The following RAB10 variants were observed in gnomAD, a reference collection of about 807,000 sequenced individuals.
The protein encoded by RAB10 is ras-related protein Rab-10.
A neutral mutation model predicts 25.7 loss-of-function variants in RAB10; 5 were observed. The observed-to-expected ratio is 0.19, with a 90% CI of 0.10 to 0.41. RAB10 has a LOEUF of 0.41. Ranked by LOEUF, RAB10 falls within the 10% of genes least tolerant of loss-of-function variation. RAB10 has a pLI of 1.00. For synonymous variants in RAB10, 89 were observed against 86.4 expected, an observed-to-expected ratio of 1.03 and a Z score of -0.16; for missense variants, 103 against 245.8, an observed-to-expected ratio of 0.42 and a Z score of 3.89.
chr2:26,061,845 C>T (rs1368240140), intron 1 of RAB10, among the ~76,000 whole-genome samples: 2 of 150,310 alleles, frequency 1.3e-5, no homozygotes, highest in Non-Finnish European at 3.0e-5. Context: ...CAGCCTTGAC[C>T]TCCTGGGCTC....
chr2:26,120,781 G>A (rs1421683653), intron 3 of RAB10, among the ~76,000 whole-genome samples: 1 of 152,004 alleles, frequency 6.6e-6, no homozygotes, highest in Non-Finnish European at 1.5e-5. Flanking sequence ...TAGTAGACAC[G>A]AGGTTTCACT....
intron 1 of RAB10, among the ~76,000 whole-genome samples, chr2:26,057,620 T>TTTCTTTCA (rs146580967): frequency 1.3e-5 from 2 of 149,196 alleles, no homozygotes; most frequent in African/African-American, 5.0e-5. Flanking sequence ...GGCAAGTTTC[T>TTTCTTTCA]TTCATTCATT....
At chr2:26,106,884 C>CA (rs1667473711) in intron 2 of RAB10, among the ~76,000 whole-genome samples, 4 of 149,550 alleles carry the variant, frequency 2.7e-5, no homozygotes, top group Admixed American at 2.7e-4. Flanking sequence ...GACTCTGTCT[C>CA]AAAAAAAGAA....
chr2:26,053,244 C>T (rs1258901085), intron 1 of RAB10, among the ~76,000 whole-genome samples: 1 of 152,110 alleles, frequency 6.6e-6, no homozygotes, highest in Non-Finnish European at 1.5e-5. Context: ...TCCAGTCCTC[C>T]TTCAAAATAA....
intron 3 of RAB10, among the ~76,000 whole-genome samples, chr2:26,113,364 A>G (rs1180041904): frequency 6.6e-6 from 1 of 152,112 alleles, no homozygotes; most frequent in African/African-American, 2.4e-5. Context: ...ACCTGAGGTC[A>G]GGAGTTCGAG....
intron 1 of RAB10, among the ~76,000 whole-genome samples, chr2:26,038,001 C>G (rs1209696494): frequency 6.6e-6 from 1 of 151,992 alleles, no homozygotes; most frequent in Admixed American, 6.6e-5. Context: ...ATTCTTCTGC[C>G]TCAGCCTCCC....
chr2:26,090,620 C>CT (rs201520744), intron 1 of RAB10, among the ~76,000 whole-genome samples: 10 of 148,316 alleles, frequency 6.7e-5, no homozygotes, highest in East Asian at 3.9e-4. Flanking sequence ...CCTCTGTTAA[C>CT]TTTTTTTTTT....
Position 26,135,051 on chromosome 2 carries a change from A to G in RAB10, c.*30A>G. The G allele has an allele frequency of 6.4e-7, 1 of 1,558,864 alleles. No individual in the cohort carries two copies. The highest frequency in any genetic ancestry group is 8.8e-7 in the Non-Finnish European group (1 of 1,134,164). On this transcript the variant is annotated 3_prime_UTR_variant, in exon 6 of 6. Transcript: ENST00000264710. ...TCTCCTGTTCCATCAGTTGCCATCC[A>G]CTACCCCGTTTTCTCTTCTTGCTGC...
intron 1 of RAB10, among the ~76,000 whole-genome samples, chr2:26,070,355 G>A (rs1559584013): frequency 6.6e-6 from 1 of 152,134 alleles, no homozygotes; most frequent in Non-Finnish European, 1.5e-5. Context: ...ATTAAATCTG[G>A]TTTTATCTGT....
At chr2:26,107,744 C>T (rs1024202156) in intron 2 of RAB10, among the ~76,000 whole-genome samples, 9 of 151,402 alleles carry the variant, frequency 5.9e-5, no homozygotes, top group Admixed American at 2.0e-4. Flanking sequence ...TGCAGTGAGC[C>T]GAGACTGTGC....
intron 1 of RAB10, among the ~76,000 whole-genome samples, chr2:26,066,673 G>T (rs1016240814): frequency 1.3e-5 from 2 of 151,812 alleles, no homozygotes; most frequent in Admixed American, 6.6e-5. Context: ...CCACCCCTGT[G>T]TTTCAATTAC....
At chr2:26,105,913 A>G (rs1427001109) in intron 2 of RAB10, among the ~76,000 whole-genome samples, 3 of 152,244 alleles carry the variant, frequency 2.0e-5, no homozygotes, top group Non-Finnish European at 4.4e-5. Flanking sequence ...AATATGCTAT[A>G]TACCACATAG....
At chr2:26,090,533 T>C (rs1435012216) in intron 1 of RAB10, among the ~76,000 whole-genome samples, 1 of 151,982 alleles carries the variant, frequency 6.6e-6, no homozygotes, top group African/African-American at 2.4e-5. Context: ...ATATGTCACT[T>C]TCTCTGTTCT....
intron 1 of RAB10, among the ~76,000 whole-genome samples, chr2:26,066,387 G>A (rs1666512783): frequency 6.6e-6 from 1 of 152,212 alleles, no homozygotes; most frequent in South Asian, 2.1e-4. Flanking sequence ...GTCATTTTCA[G>A]ACACAATTTT....
At chr2:26,064,180 T>G (rs560532837) in intron 1 of RAB10, among the ~76,000 whole-genome samples, 1 of 152,364 alleles carries the variant, frequency 6.6e-6, no homozygotes, top group South Asian at 2.1e-4. Flanking sequence ...TTGAAAGTAC[T>G]CTTCCCCTTT....
chr2:26,134,578 A>G (rs1668070988), intron 5 of RAB10, among the ~76,000 whole-genome samples: 2 of 152,246 alleles, frequency 1.3e-5, no homozygotes, highest in Admixed American at 6.5e-5. Flanking sequence ...GACGTTACAT[A>G]TACCTAACAC....
At chr2:26,094,532 G>A (rs1185323745) in intron 1 of RAB10, among the ~76,000 whole-genome samples, 1 of 151,516 alleles carries the variant, frequency 6.6e-6, no homozygotes, top group East Asian at 1.9e-4. Context: ...GATTACAGGC[G>A]TGAGCCACCG....
intron 1 of RAB10, among the ~76,000 whole-genome samples, chr2:26,057,914 A>G (rs1397815247): frequency 6.6e-6 from 1 of 152,128 alleles, no homozygotes; most frequent in Non-Finnish European, 1.5e-5. Context: ...GTGAGCCACC[A>G]TGCCCGGCCT....
chr2:26,050,049 G>T (rs1666099945), intron 1 of RAB10, among the ~76,000 whole-genome samples: 1 of 152,144 alleles, frequency 6.6e-6, no homozygotes, highest in Admixed American at 6.5e-5. Flanking sequence ...TTAATGCCTT[G>T]GGAATTTCCT....
Sources: gnomAD v4.1 joint callset for allele counts (sites outside exome capture counted in the v4.1 genomes callset) on GRCh38, gnomAD v4.1.1 for gene constraint, MANE v1.5 for transcripts, NCBI Gene and HGNC (gene_info 2026-07-23, HGNC 2026-07-21) for gene names.